Variants in NOL10 observed in about 807,000 individuals in gnomAD.
NOL10 encodes the protein H_NH0074G24.1.
Under a neutral mutation model 103.5 loss-of-function variants are expected in NOL10, and 58 were observed. The ratio of observed to expected loss-of-function variants is 0.56; its 90% CI spans 0.45 to 0.70. NOL10 has a LOEUF of 0.70. Among genes scored for constraint, NOL10 ranks in the 30% least tolerant of loss-of-function variants. NOL10 has a pLI of 0.00. For synonymous variants in NOL10, 287 were observed against 282.5 expected (o/e 1.02, Z -0.16); for missense variants, 763 against 807.3 (o/e 0.95, Z 0.67).
intron 20 of NOL10, among the ~76,000 whole-genome samples, chr2:10,573,355 G>A (rs1468580595): frequency 1.3e-5 from 2 of 152,094 alleles, no homozygotes; most frequent in Non-Finnish European, 2.9e-5. Context: ...CACCACGCCC[G>A]GCTAATTTTT....
chr2:10,688,132 A>G (rs1682342365), intron 1 of NOL10, among the ~76,000 whole-genome samples: 1 of 152,178 alleles, frequency 6.6e-6, no homozygotes, highest in African/African-American at 2.4e-5. Context: ...CCATTACCCT[A>G]TCTACAAAGT....
rs113310863 is a variant in NOL10 at position 10,659,521 on chromosome 2, T to TA, written c.678-272dup. Among the ~76,000 whole-genome samples, 890 of 142,344 alleles carry TA rather than the reference T, an allele frequency of 6.3e-3. 5 individuals are homozygous for TA. Among genetic ancestry groups the TA allele is most frequent in the African/African-American group, 0.02 (777 of 38,536 alleles). The allele number at this position is 142,344 out of a possible 152,430, so 93.4% of individuals were successfully genotyped here. On this transcript the variant is annotated intron_variant, in intron 9 of 20. Transcript: ENST00000381685. Reference sequence around the variant, plus strand: ...GTGAGACACCATCTCTACAAAAAATTAAAAAAAAAAAAAATAGCCAGTTGT... The same window carrying TA: ...GTGAGACACCATCTCTACAAAAAATTAAAAAAAAAAAAAAATAGCCAGTTGT...
intron 12 of NOL10, among the ~76,000 whole-genome samples, chr2:10,651,006 G>C (rs1260155620): frequency 6.6e-6 from 1 of 152,100 alleles, no homozygotes; most frequent in African/African-American, 2.4e-5. Flanking sequence ...TCAGAAAGAG[G>C]CTTCTTTGCC....
rs1285694460 is a variant in NOL10 at position 10,611,054 on chromosome 2, G to A, written c.1027-3743C>T. On this transcript the variant is annotated intron_variant, in intron 13 of 20. Coordinates refer to ENST00000381685, the MANE Select transcript of NOL10 (RefSeq NM_024894.4). The stretch of plus-strand genomic sequence containing the variant: ...GTCTTGAAACTCTTGAGAGCCTCCA[G>A]AATAGACAGAATTACAGGCAGTGGT... Among the ~76,000 whole-genome samples the A allele has an allele frequency of 2.0e-5, 3 of 152,130 alleles. No homozygotes were observed. In the East Asian group the frequency reaches 5.8e-4, roughly 29 times the overall value.
At chr2:10,645,981 T>C (rs2148285798) in intron 12 of NOL10, among the ~76,000 whole-genome samples, 1 of 148,746 alleles carries the variant, frequency 6.7e-6, no homozygotes, top group African/African-American at 2.5e-5. Context: ...CGTAAAAACA[T>C]CTAAAAGCAC....
chr2:10,659,062 G>T (rs2148318093), intron 10 of NOL10, 110 bp downstream of exon 10: 1 of 765,706 alleles, frequency 1.3e-6, no homozygotes, highest in Non-Finnish European at 2.2e-6. Flanking sequence ...CTCTGGTCTG[G>T]CTAAAATAGT....
At chr2:10,649,311 A>ATTTTTTTTTTTTTTTTTTTTTTTTTTTT (rs56031158) in intron 12 of NOL10, among the ~76,000 whole-genome samples, 1 of 99,046 alleles carries the variant, frequency 1.0e-5, no homozygotes, top group Non-Finnish European at 1.9e-5. Context: ...GTATGTTTGA[A>ATTTTTTTTTTTTTTTTTTTTTTTTTTTT]TTTTTTTTTT....
chr2:10,671,124 GA>G (rs761982451), intron 6 of NOL10, among the ~76,000 whole-genome samples: 22 of 152,120 alleles, frequency 1.4e-4, no homozygotes, highest in Non-Finnish European at 2.6e-4. Flanking sequence ...GATAGAAACT[GA>G]TTACTGACAT....
chr2:10,594,930 G>GA (rs1257205366), intron 17 of NOL10, among the ~76,000 whole-genome samples: 1 of 152,148 alleles, frequency 6.6e-6, no homozygotes, highest in East Asian at 1.9e-4. Flanking sequence ...CCGAGAGACT[G>GA]AGGCTGCAGT....
At chr2:10,621,661 A>C (rs1489085505) in intron 13 of NOL10, among the ~76,000 whole-genome samples, 1 of 152,208 alleles carries the variant, frequency 6.6e-6, no homozygotes, top group Non-Finnish European at 1.5e-5. Flanking sequence ...ATGCACAGTA[A>C]GGTCGACAGA....
chr2:10,608,066 C>T (rs1161999905), intron 13 of NOL10, among the ~76,000 whole-genome samples: 4 of 152,184 alleles, frequency 2.6e-5, no homozygotes, highest in South Asian at 2.1e-4. Context: ...GTAAGTACTA[C>T]GTGAGGTGAT....
intron 13 of NOL10, among the ~76,000 whole-genome samples, chr2:10,640,200 G>A (rs1678605101): frequency 6.6e-6 from 1 of 152,152 alleles, no homozygotes; most frequent in Non-Finnish European, 1.5e-5. Flanking sequence ...GGTTCTATAG[G>A]CCTCAAATGA....
At chr2:10,622,360 G>A (rs13020036) in intron 13 of NOL10, among the ~76,000 whole-genome samples, 14,424 of 152,128 alleles carry the variant, frequency 0.095, 844 homozygotes, top group Admixed American at 0.16. Context: ...TGTGTCATAC[G>A]TGACTTGACT....
At chr2:10,580,725 A>C (rs1401171514) in intron 19 of NOL10, among the ~76,000 whole-genome samples, 1 of 152,130 alleles carries the variant, frequency 6.6e-6, no homozygotes, top group African/African-American at 2.4e-5. Flanking sequence ...TGGGGTTTTA[A>C]AATACGAACA....
intron 12 of NOL10, among the ~76,000 whole-genome samples, chr2:10,648,945 C>T (rs1220744675): frequency 1.3e-5 from 2 of 150,622 alleles, no homozygotes; most frequent in Non-Finnish European, 2.9e-5. Context: ...TATCCTGGTT[C>T]AAAAAAACAC....
At chr2:10,573,655 C>CA (rs561312921) in intron 20 of NOL10, among the ~76,000 whole-genome samples, 68,610 of 124,670 alleles carry the variant, frequency 0.55, 17,242 homozygotes, top group East Asian at 0.58. Flanking sequence ...TTTGTAATGT[C>CA]AAAAAAAAAA....
chr2:10,659,286 G>T, intron 9 of NOL10, 36 bp from the exon 10 acceptor site: 1 of 1,093,288 alleles, frequency 9.1e-7, no homozygotes, highest in Non-Finnish European at 1.3e-6. Flanking sequence ...ATGAATATAC[G>T]GCCAAACCTC....
chr2:10,581,876 TAG>T (rs1674773799), intron 19 of NOL10, among the ~76,000 whole-genome samples: 2 of 152,122 alleles, frequency 1.3e-5, no homozygotes, highest in African/African-American at 4.8e-5. Flanking sequence ...GCTACAGGTA[TAG>T]ATGTGTGAGT....
Position 10,677,948 on chromosome 2 carries a change from CAT to C in NOL10, c.212-2079_212-2078del, listed in dbSNP as rs966266928. Among the ~76,000 whole-genome samples the C allele has an allele frequency of 2.9e-4, 39 of 133,610 alleles. 1 individual carries two copies. Among genetic ancestry groups the C allele is most frequent in the Admixed American group, 9.3e-4 (12 of 12,848 alleles). The allele number at this position is 133,610 out of a possible 152,430, so 87.7% of individuals were successfully genotyped here. On this transcript the variant is annotated intron_variant, in intron 3 of 20. Coordinates refer to ENST00000381685, the MANE Select transcript of NOL10 (RefSeq NM_024894.4). ...ATAGACAGATACATATATATACACA[CAT>C]AATTTTATGTGCACACACACACACA... is the stretch of plus-strand genomic sequence containing the variant.
Sources: allele counts gnomAD v4.1 joint callset (sites outside exome capture counted in the v4.1 genomes callset), GRCh38; gene constraint gnomAD v4.1.1; transcripts MANE v1.5; gene names NCBI Gene and HGNC (gene_info 2026-07-23, HGNC 2026-07-21).